The following DYNC1I1 variants were observed in gnomAD, a reference collection of about 807,000 sequenced individuals.
DYNC1I1 encodes cytoplasmic dynein 1 intermediate chain 1.
In DYNC1I1, 43 loss-of-function variants were observed where a neutral mutation model predicts 86.6. The observed-to-expected ratio is 0.50, with a 90% CI of 0.39 to 0.64. DYNC1I1 has a LOEUF of 0.64. Among genes scored for constraint, DYNC1I1 ranks in the 30% least tolerant of loss-of-function variants. The pLI is 0.00. For missense variants in DYNC1I1, 604 were observed against 788.8 expected, an observed-to-expected ratio of 0.77 and a Z score of 2.81; for synonymous variants, 262 against 283.7, an observed-to-expected ratio of 0.92 and a Z score of 0.77.
At chr7:96,072,397 T>C (rs1790197012) in intron 14 of DYNC1I1, among the ~76,000 whole-genome samples, 1 of 152,202 alleles carries the variant, frequency 6.6e-6, no homozygotes, top group East Asian at 1.9e-4. Flanking sequence ...ATACTGAACA[T>C]GACATAGAAA....
intron 10 of DYNC1I1, among the ~76,000 whole-genome samples, chr7:96,000,543 C>T (rs1793983636): frequency 6.6e-6 from 1 of 152,164 alleles, no homozygotes; most frequent in East Asian, 1.9e-4. Flanking sequence ...TAAGGGAATA[C>T]CAGTATACAT....
intron 6 of DYNC1I1, among the ~76,000 whole-genome samples, chr7:95,957,441 CCCT>C (rs1050406941): frequency 1.3e-5 from 2 of 151,506 alleles, no homozygotes; most frequent in Non-Finnish European, 2.9e-5. Context: ...GATCTTTATC[CCCT>C]CCTCCTCCTC....
intron 5 of DYNC1I1, among the ~76,000 whole-genome samples, chr7:95,854,423 C>T (rs1485488581): frequency 6.6e-6 from 1 of 152,094 alleles, no homozygotes; most frequent in Admixed American, 6.5e-5. Context: ...AAACTCTGTA[C>T]TTTTACTACA....
At chr7:95,805,967 T>C (rs1020404133) in intron 2 of DYNC1I1, among the ~76,000 whole-genome samples, 4 of 152,194 alleles carry the variant, frequency 2.6e-5, no homozygotes, top group African/African-American at 4.8e-5. Flanking sequence ...ATTTTAGCCT[T>C]CTGGCATCTC....
At chr7:95,937,609 G>C (rs2116431500) in intron 6 of DYNC1I1, among the ~76,000 whole-genome samples, 1 of 151,722 alleles carries the variant, frequency 6.6e-6, no homozygotes, top group Non-Finnish European at 1.5e-5. Flanking sequence ...TAATTTTCTT[G>C]GTATAATAAT....
chr7:96,075,864 C>G (rs753008455), intron 14 of DYNC1I1, among the ~76,000 whole-genome samples, 193 bp from the exon 15 acceptor site: 21 of 152,038 alleles, frequency 1.4e-4, no homozygotes, highest in Non-Finnish European at 2.4e-4. Flanking sequence ...GAGAGGCCCC[C>G]TCTCCCCCCG....
chr7:95,835,632 C>T (rs1405889846), intron 5 of DYNC1I1, among the ~76,000 whole-genome samples: 6 of 152,010 alleles, frequency 3.9e-5, no homozygotes, highest in African/African-American at 1.5e-4. Flanking sequence ...TCACTCAGGA[C>T]TTTCTTTATG....
intron 6 of DYNC1I1, among the ~76,000 whole-genome samples, chr7:95,929,718 T>C (rs1443532280): frequency 1.3e-5 from 2 of 152,204 alleles, no homozygotes; most frequent in Admixed American, 6.5e-5. Flanking sequence ...ACATCATAGA[T>C]TAGTTATGCC....
intron 6 of DYNC1I1, among the ~76,000 whole-genome samples, chr7:95,974,207 A>G (rs1392611855): frequency 6.6e-6 from 1 of 152,018 alleles, no homozygotes; most frequent in East Asian, 1.9e-4. Context: ...GACACAGTAT[A>G]TATTTTGTTT....
chr7:96,045,083 A>G (rs1394296200), intron 14 of DYNC1I1, among the ~76,000 whole-genome samples: 2 of 152,206 alleles, frequency 1.3e-5, no homozygotes, highest in African/African-American at 4.8e-5. Context: ...GTTATAGGCT[A>G]AGGATGCTAA....
chr7:95,863,963 A>T (rs1453932160), intron 5 of DYNC1I1, among the ~76,000 whole-genome samples: 3 of 152,190 alleles, frequency 2.0e-5, no homozygotes, highest in Non-Finnish European at 4.4e-5. Flanking sequence ...AATTTCCTTT[A>T]TCTTTGAAGT....
At chr7:96,018,793 G>T (rs1794467706) in intron 10 of DYNC1I1, among the ~76,000 whole-genome samples, 1 of 152,206 alleles carries the variant, frequency 6.6e-6, no homozygotes, top group African/African-American at 2.4e-5. Context: ...AAGTTTCTCA[G>T]TTGGGCTGGT....
intron 16 of DYNC1I1, among the ~76,000 whole-genome samples, chr7:96,103,667 C>T (rs1011653195): frequency 1.3e-5 from 2 of 150,404 alleles, no homozygotes; most frequent in Non-Finnish European, 2.9e-5. Flanking sequence ...AGCTGGAGTG[C>T]GGTAACATGA....
intron 16 of DYNC1I1, among the ~76,000 whole-genome samples, chr7:96,082,962 T>C (rs1036921983): frequency 2.0e-5 from 3 of 152,132 alleles, no homozygotes; most frequent in African/African-American, 4.8e-5. Flanking sequence ...TTACAGACTA[T>C]AGAAATGTCT....
At chr7:95,889,374 TCTGGGACAA>T (rs1223720689) in intron 6 of DYNC1I1, among the ~76,000 whole-genome samples, 1 of 152,134 alleles carries the variant, frequency 6.6e-6, no homozygotes, top group African/African-American at 2.4e-5. Context: ...AATAAATAGT[TCTGGGACAA>T]CTGGCTTATC....
intron 1 of DYNC1I1, among the ~76,000 whole-genome samples, chr7:95,787,139 T>A (rs1794169846): frequency 6.6e-6 from 1 of 152,200 alleles, no homozygotes; most frequent in South Asian, 2.1e-4. Context: ...ATGTTATATG[T>A]TAGGTCCCCA....
intron 4 of DYNC1I1, chr7:95,818,469 T>G: frequency 1.6e-6 from 1 of 613,412 alleles, no homozygotes; most frequent in Non-Finnish European, 2.8e-6. Flanking sequence ...ACCCAGCTGA[T>G]TTAATTTTTT....
chr7:95,926,983 G>A (rs1373633153), intron 6 of DYNC1I1, among the ~76,000 whole-genome samples: 2 of 151,884 alleles, frequency 1.3e-5, no homozygotes, highest in African/African-American at 4.8e-5. Flanking sequence ...TCCAAATTTC[G>A]AACAAATTAT....
chr7:96,076,315 C>A, intron 15 of DYNC1I1, 118 bp downstream of exon 15: 1 of 1,415,876 alleles, frequency 7.1e-7, no homozygotes, highest in Non-Finnish European at 9.4e-7. Context: ...CCAACTGCAG[C>A]AGGGCTGCCG....
Sources: allele counts gnomAD v4.1 joint callset (sites outside exome capture counted in the v4.1 genomes callset), GRCh38; gene constraint gnomAD v4.1.1; transcripts MANE v1.5; gene names NCBI Gene and HGNC (gene_info 2026-07-23, HGNC 2026-07-21).